TNS1: variants seen among roughly 807,000 people sequenced by gnomAD.
The protein encoded by TNS1 is tensin-1.
In TNS1, 62 loss-of-function variants were observed where a neutral mutation model predicts 168.6. That is an observed-to-expected ratio of 0.37 (90% confidence interval 0.30 to 0.45). TNS1 has a LOEUF of 0.45. Ranked by LOEUF, TNS1 falls within the 20% of genes least tolerant of loss-of-function variation. The pLI, the probability that TNS1 is intolerant of heterozygous loss-of-function variation, is 1.00. For synonymous variants in TNS1, 934 were observed against 933.2 expected (o/e 1.00, Z -0.02); for missense variants, 2,240 against 2,339.4 (o/e 0.96, Z 0.88).
At chr2:217,890,017 G>A (rs1951584798) in intron 12 of TNS1, among the ~76,000 whole-genome samples, 1 of 152,194 alleles carries the variant, frequency 6.6e-6, no homozygotes, top group African/African-American at 2.4e-5. Flanking sequence ...CAACCAGGAG[G>A]CACTGCCCTA....
At position 217,844,033 on chromosome 2, in the gene TNS1, GTCC is replaced by G. The variant is rs1435040452; in HGVS notation, c.3007+3474_3007+3476del. Among the ~76,000 whole-genome samples, 3 of 151,832 alleles carry G rather than the reference GTCC, an allele frequency of 2.0e-5. No individual in the cohort carries two copies. The South Asian group carries it at 6.3e-4, about 32-fold the overall frequency. On this transcript the variant is annotated intron_variant, in intron 19 of 32. Transcript: ENST00000682258. ...ACCAAGGCTTCATCTTCCACCCAAC[GTCC>G]TCCTCCTGCCTTCCTGCTTGTTAAC...
Position 217,818,679 on chromosome 2 carries a change from C to A in TNS1, c.3653G>T (p.Gly1218Val), listed in dbSNP as rs201310757. 1.2e-5 allele frequency: 20 copies of A among 1,614,096 alleles called. No individual in the cohort carries two copies. The highest frequency in any genetic ancestry group is 1.4e-5 in the Non-Finnish European group (17 of 1,180,046). The change falls in exon 24 of 33, where the codon GGC becomes GTC. Residue 1218 changes from glycine (G) to valine (V), a missense_variant. By Grantham distance (109) the Gly-to-Val change is moderately radical. Coordinates refer to ENST00000682258, the MANE Select transcript of TNS1 (RefSeq NM_001387777.1). ...RTPTQPLLES[G>V]FRSGSLGQPS... is the part of the protein sequence containing the mutation. Reference sequence around the variant, plus strand: ...CTGTCCCAGGCTGCCTGAGCGGAAGCCAGACTCCAACAGAGGCTGGGTGGG... The same window carrying A: ...CTGTCCCAGGCTGCCTGAGCGGAAGACAGACTCCAACAGAGGCTGGGTGGG...
chr2:217,848,750 C>T lies in TNS1; in HGVS notation c.1767G>A (p.Arg589=). 6.2e-7 allele frequency: 1 copy of T among 1,614,210 alleles called. No individual in the cohort carries two copies. The highest frequency in any genetic ancestry group is 8.5e-7 in the Non-Finnish European group (1 of 1,180,040). ...CAGCCGAGCCCCCTGCTGGGCGGGA[C>T]CTGAGGTGCTGGGTGTGGTACATGG... ...QGAMYHTQHL[R]SRPAGGSAVP... Residue 589 remains arginine, a synonymous_variant, in exon 19 of 33, where the codon AGG becomes AGA. Transcript: ENST00000682258.
At chr2:217,811,931 G>C (rs1940989160) in intron 28 of TNS1, among the ~76,000 whole-genome samples, 1 of 152,084 alleles carries the variant, frequency 6.6e-6, no homozygotes, top group Admixed American at 6.6e-5. Context: ...CGACATTTAG[G>C]CACCGCCTTC....
chr2:217,924,903 G>A (rs1188502201), intron 3 of TNS1, among the ~76,000 whole-genome samples: 1 of 152,204 alleles, frequency 6.6e-6, no homozygotes, highest in African/African-American at 2.4e-5. Flanking sequence ...TTTTTGATCA[G>A]TCTCATCATA....
chr2:218,032,775 G>A lies in TNS1; in HGVS notation c.156+1045C>T, dbSNP rs1412964172. The stretch of plus-strand genomic sequence containing the variant: ...AGCCAGAGTCAGGGCACAGCAGCTG[G>A]GATGGAGCTTGATCCCCACAGACAG... On this transcript the variant is annotated intron_variant, in intron 1 of 1. Transcript: ENST00000649572. The surrounding 1 kb of genome is among the most constrained non-coding windows in gnomAD (Gnocchi z 4.0). 6.6e-6 allele frequency among the ~76,000 whole-genome samples: 1 copy of A among 152,150 alleles called. No homozygotes were observed. The highest frequency in any genetic ancestry group is 6.5e-5 in the Admixed American group (1 of 15,278).
rs769108465 is a variant in TNS1 at position 217,848,896 on chromosome 2, C to T, written c.1621G>A (p.Asp541Asn). 2.5e-6 allele frequency: 4 copies of T among 1,614,064 alleles called. No homozygotes were observed. The highest frequency in any genetic ancestry group is 1.1e-5 in the South Asian group (1 of 91,044). ...SGNSTASTKT[D>N]KTDEPVPGAS... Reference sequence around the variant, plus strand: ...CCGGGGACAGGCTCGTCGGTCTTGTCGGTCTTGGTGGAGGCTGTGGAGTTG... The same window carrying T: ...CCGGGGACAGGCTCGTCGGTCTTGTTGGTCTTGGTGGAGGCTGTGGAGTTG... The change falls in exon 19 of 33, where the codon GAC becomes AAC. Residue 541 changes from aspartate (D) to asparagine (N), a missense_variant. By Grantham distance (23) the Asp-to-Asn change is conservative. Transcript: ENST00000682258.
At chr2:217,816,483 T>C (rs1178251047) in intron 24 of TNS1, among the ~76,000 whole-genome samples, 2 of 152,160 alleles carry the variant, frequency 1.3e-5, no homozygotes, top group Non-Finnish European at 2.9e-5. Flanking sequence ...GTCAGCTCCC[T>C]TTCCTGGCAG....
chr2:217,820,387 G>A (rs1942642495), intron 23 of TNS1, among the ~76,000 whole-genome samples: 2 of 152,146 alleles, frequency 1.3e-5, no homozygotes, highest in Non-Finnish European at 2.9e-5. Context: ...AGCAACGCAG[G>A]CTGCTGCCTG....
At position 217,810,310 on chromosome 2, in the gene TNS1, T is replaced by C. The variant is rs1320416336; in HGVS notation, c.5042A>G (p.Asp1681Gly). The C allele has an allele frequency of 6.2e-7, 1 of 1,614,178 alleles. No individual in the cohort carries two copies. The highest frequency in any genetic ancestry group is 8.5e-7 in the Non-Finnish European group (1 of 1,180,024). The change falls in exon 29 of 33, where the codon GAT (aspartate) becomes GGT (glycine). Residue 1681 changes from aspartate (D) to glycine (G), a missense_variant. Physicochemically the swap from Asp to Gly is moderately conservative, Grantham distance 94 (BLOSUM62 -1). This residue lies in a region of TNS1 where 2,131 missense variants were observed against 2,171.2 expected (regional missense o/e 0.98). Transcript: ENST00000682258. ...KLVIPNRDPT[D>G]ESKDSSGPAN... is the part of the protein sequence containing the mutation. The stretch of plus-strand genomic sequence containing the variant: ...AGGGCCGGAGCTATCTTTCGATTCA[T>C]CTGTGGGGTCTAAGACAAAAATTCA...
At chr2:217,907,149 C>G (rs1371741863) in intron 5 of TNS1, 61 bp downstream of exon 5, 2 of 701,206 alleles carry the variant, frequency 2.9e-6, no homozygotes, top group African/African-American at 3.5e-5. Flanking sequence ...TCTCCACTTC[C>G]AGCCTTCTCA....
In TNS1 at chr2:217,823,354, C is replaced by G. The variant is rs377614703; in HGVS notation, c.3374-1416G>C. ...ACCAAAATAGTCAGGTCCTCCAGGT[C>G]CCTCCTCCAGGTCCCTCATGGGTGA... is the stretch of plus-strand genomic sequence containing the variant. On this transcript the variant is annotated intron_variant, in intron 22 of 32. Transcript: ENST00000682258. Among the ~76,000 whole-genome samples the G allele has an allele frequency of 2.5e-4, 38 of 152,288 alleles. 2 individuals carry two copies. Among genetic ancestry groups the G allele is most frequent in the African/African-American group, 8.7e-4 (36 of 41,572 alleles).
At chr2:218,017,913 T>A (rs1958776284) in intron 1 of TNS1, among the ~76,000 whole-genome samples, 1 of 152,158 alleles carries the variant, frequency 6.6e-6, no homozygotes, top group African/African-American at 2.4e-5. Flanking sequence ...GAGCACACTG[T>A]CTGGAACACA....
chr2:217,844,163 AC>A (rs1372156928), intron 19 of TNS1, among the ~76,000 whole-genome samples: 2 of 152,058 alleles, frequency 1.3e-5, no homozygotes, highest in African/African-American at 2.4e-5. Context: ...CATTGGTTCT[AC>A]CCCCACAGTA....
chr2:217,947,601 TG>T (rs1677255138), intron 3 of TNS1, among the ~76,000 whole-genome samples: 1 of 152,082 alleles, frequency 6.6e-6, no homozygotes, highest in African/African-American at 2.4e-5. Flanking sequence ...GAATTGTGTG[TG>T]TCGGGGCCAG....
intron 22 of TNS1, among the ~76,000 whole-genome samples, chr2:217,823,677 C>T (rs1040171209): frequency 6.6e-6 from 1 of 152,200 alleles, no homozygotes; most frequent in African/African-American, 2.4e-5. Flanking sequence ...ACAGCCTGCC[C>T]GTCTGTCTTT....
chr2:217,839,661 C>T (rs577188259), intron 19 of TNS1, among the ~76,000 whole-genome samples: 1 of 152,318 alleles, frequency 6.6e-6, no homozygotes, highest in South Asian at 2.1e-4. Flanking sequence ...CTGCTGCCCA[C>T]CACCCCTGGA....
At chr2:217,933,923 A>C (rs931498741) in intron 3 of TNS1, among the ~76,000 whole-genome samples, 1 of 152,224 alleles carries the variant, frequency 6.6e-6, no homozygotes, top group African/African-American at 2.4e-5. Flanking sequence ...TTTTAGGGAC[A>C]GAGGTGGTGA....
chr2:218,010,566 C>G (rs1202329094), upstream of TNS1: 2 of 164,418 alleles, frequency 1.2e-5, no homozygotes, highest in African/African-American at 4.8e-5. Context: ...ATGCCGGCAC[C>G]CCGGCAACTT....
Sources: gnomAD v4.1 joint callset for allele counts (sites outside exome capture counted in the v4.1 genomes callset) on GRCh38, gnomAD v4.1.1 for gene constraint, gnomAD v4.1.1 regional missense constraint, Gnocchi (gnomAD v3.1) non-coding constraint, MANE v1.5 for transcripts, NCBI Gene and HGNC (gene_info 2026-07-23, HGNC 2026-07-21) for gene names.